The following ETFA variants were observed in gnomAD, a reference collection of about 807,000 sequenced individuals.
ETFA encodes the protein electron transfer flavoprotein subunit alpha, mitochondrial.
In ETFA, 22 loss-of-function variants were observed where a neutral mutation model predicts 46.2. The observed-to-expected ratio is 0.48, with a 90% CI of 0.34 to 0.68. The LOEUF is 0.68. Among genes scored for constraint, ETFA ranks in the 30% least tolerant of loss-of-function variants. ETFA has a pLI of 0.01. For synonymous variants in ETFA, 131 were observed against 139.9 expected, an observed-to-expected ratio of 0.94 and a Z score of 0.45; for missense variants, 345 against 401.1, an observed-to-expected ratio of 0.86 and a Z score of 1.19.
In ETFA at chr15:76,287,775, ATC is replaced by A. The variant is rs1292402234; in HGVS notation, c.451+69_451+70del. 1.4e-5 allele frequency: 16 copies of A among 1,105,620 alleles called. No homozygotes were observed. In the African/African-American group the frequency reaches 2.5e-4, roughly 17 times the overall value. 68.5% of individuals were successfully genotyped at this position (1,105,620 alleles called of 1,614,324 possible). On this transcript the variant is annotated intron_variant, in intron 5 of 11. Coordinates refer to ENST00000557943, the MANE Select transcript of ETFA (RefSeq NM_000126.4). ...ATTGTATGGTTTGATTTAAAATTCTATCTTCAAGATTAATTTATGCTTTTCAC... is the reference window on the plus strand; with the variant it reads ...ATTGTATGGTTTGATTTAAAATTCTATTCAAGATTAATTTATGCTTTTCAC...
At chr15:76,258,980 T>C (rs2141491199) in intron 9 of ETFA, 7 of 1,596,504 alleles carry the variant, frequency 4.4e-6, no homozygotes, top group African/African-American at 4.0e-5. Context: ...GCCCTCTGCC[T>C]GTGAGCTAAC....
chr15:76,277,627 C>G (rs1350997877), intron 8 of ETFA, among the ~76,000 whole-genome samples: 4 of 152,190 alleles, frequency 2.6e-5, no homozygotes, highest in African/African-American at 9.7e-5. Context: ...CTCAGCCTCC[C>G]AAGTAGCTGA....
At chr15:76,277,498 CAAAAACAAAAAAAA>C (rs1489139818) in intron 8 of ETFA, among the ~76,000 whole-genome samples, 2 of 7,826 alleles carry the variant, frequency 2.6e-4, no homozygotes, top group South Asian at 0.02. Flanking sequence ...TTGTCAAAAA[CAAAAACAAAAAAAA>C]AAAACAAAAA....
At chr15:76,218,915 CAGAG>C (rs1407433377) in intron 11 of ETFA, among the ~76,000 whole-genome samples, 4 of 152,232 alleles carry the variant, frequency 2.6e-5, no homozygotes, top group Middle Eastern at 3.4e-3. Context: ...CAAGCATAGA[CAGAG>C]AGGCCTATGA....
At chr15:76,262,284 AG>A (rs965339451) in intron 9 of ETFA, among the ~76,000 whole-genome samples, 2 of 152,042 alleles carry the variant, frequency 1.3e-5, no homozygotes, top group African/African-American at 4.8e-5. Flanking sequence ...AAGAACATCA[AG>A]ATATCTAAAA....
intron 4 of ETFA, among the ~76,000 whole-genome samples, chr15:76,290,118 T>C (rs1457480725): frequency 6.6e-6 from 1 of 152,204 alleles, no homozygotes; most frequent in African/African-American, 2.4e-5. Context: ...TCAAAATTTT[T>C]AAACTACATA....
In ETFA at chr15:76,215,704, A is replaced by T. The variant is rs537179357; in HGVS notation, c.*855T>A. On this transcript the variant is annotated 3_prime_UTR_variant, in exon 12 of 12. Transcript: ENST00000557943. ...GCTGTGCCCTGGGCAGCAGAATGAGAGTGCCAGAGGTGACTACACAGGCCT... is the reference window on the plus strand; with the variant it reads ...GCTGTGCCCTGGGCAGCAGAATGAGTGTGCCAGAGGTGACTACACAGGCCT... 11 of 152,264 alleles carry T rather than the reference A, an allele frequency of 7.2e-5. 1 individual carries two copies. The East Asian group carries it at 1.7e-3, about 24-fold the overall frequency. The allele number at this position is 152,264 out of a possible 1,614,324, so 9.4% of individuals were successfully genotyped here.
chr15:76,251,502 T>C (rs1265835012), intron 9 of ETFA, among the ~76,000 whole-genome samples: 1 of 152,190 alleles, frequency 6.6e-6, no homozygotes, highest in Non-Finnish European at 1.5e-5. Context: ...AAAATCAGAA[T>C]TCAGTTCCCA....
At chr15:76,216,934 C>G (rs1338686175) in intron 11 of ETFA, among the ~76,000 whole-genome samples, 1 of 146,296 alleles carries the variant, frequency 6.8e-6, no homozygotes, top group Non-Finnish European at 1.5e-5. Flanking sequence ...CAGCATCTAC[C>G]TCCTGGGGTC....
chr15:76,261,715 G>A (rs917990244), intron 9 of ETFA: 4 of 266,490 alleles, frequency 1.5e-5, no homozygotes, highest in Non-Finnish European at 2.8e-5. Flanking sequence ...TACCATGCCA[G>A]GCCCGGCCCA....
chr15:76,299,080 G>A (rs1372572820), intron 1 of ETFA, among the ~76,000 whole-genome samples: 3 of 152,102 alleles, frequency 2.0e-5, no homozygotes, highest in African/African-American at 4.8e-5. Context: ...AATACTTAAC[G>A]AGGTAATTGC....
rs1470142345 is a variant in ETFA at position 76,228,773 on chromosome 15, T to TTA, written c.882+2559_882+2560insTA. ...TTACTTTTTTTTTTTTTTTTTTTTT[T>TTA]AGATGGAGTCTCGTTCTGTCACCCT... is the stretch of plus-strand genomic sequence containing the variant. On this transcript the variant is annotated intron_variant, in intron 10 of 11. Transcript: ENST00000557943. 2.6e-5 allele frequency: 4 copies of TTA among 155,624 alleles called. No homozygotes were observed. In the East Asian group the frequency reaches 5.6e-4, roughly 22 times the overall value. The allele number at this position is 155,624 out of a possible 1,614,324, so 9.6% of individuals were successfully genotyped here.
intron 9 of ETFA, among the ~76,000 whole-genome samples, chr15:76,235,442 T>C (rs534008959): frequency 5.2e-4 from 79 of 152,342 alleles, no homozygotes; most frequent in African/African-American, 1.9e-3. Context: ...ACCAGTACTT[T>C]ATAATTTGTA....
At chr15:76,295,947 T>TTTTTTTTTTTTTTTTTTTTTG (rs1437793220) in intron 1 of ETFA, among the ~76,000 whole-genome samples, 1 of 86,906 alleles carries the variant, frequency 1.2e-5, no homozygotes, top group Non-Finnish European at 2.5e-5. Flanking sequence ...TTTTTTTTTT[T>TTTTTTTTTTTTTTTTTTTTTG]TTTTTTTTTT....
chr15:76,282,597 T>C (rs1290828194), intron 8 of ETFA, among the ~76,000 whole-genome samples: 1 of 152,212 alleles, frequency 6.6e-6, no homozygotes, highest in Non-Finnish European at 1.5e-5. Context: ...CATCTGATTA[T>C]ACAGTGTCAA....
chr15:76,265,264 G>A (rs370825566), intron 9 of ETFA, among the ~76,000 whole-genome samples: 1 of 152,188 alleles, frequency 6.6e-6, no homozygotes, highest in African/African-American at 2.4e-5. Flanking sequence ...AATTGACTCT[G>A]ATCATACCAG....
At chr15:76,251,098 G>A (rs867694077) in intron 9 of ETFA, among the ~76,000 whole-genome samples, 1 of 152,138 alleles carries the variant, frequency 6.6e-6, no homozygotes, top group Non-Finnish European at 1.5e-5. Flanking sequence ...CAAGAGAGGT[G>A]AAAGGGGCAG....
intron 11 of ETFA, among the ~76,000 whole-genome samples, chr15:76,223,462 AT>A (rs1400473643): frequency 3.3e-5 from 5 of 152,004 alleles, no homozygotes; most frequent in African/African-American, 9.7e-5. Context: ...AGCTCGGGTG[AT>A]CCACCCGCCT....
intron 9 of ETFA, among the ~76,000 whole-genome samples, chr15:76,263,079 G>C (rs1050037998): frequency 6.6e-6 from 1 of 152,086 alleles, no homozygotes; most frequent in African/African-American, 2.4e-5. Flanking sequence ...CAAAGAAAAT[G>C]CTACACCATC....
Sources: allele counts gnomAD v4.1 joint callset (sites outside exome capture counted in the v4.1 genomes callset), GRCh38; gene constraint gnomAD v4.1.1; transcripts MANE v1.5; gene names NCBI Gene and HGNC (gene_info 2026-07-23, HGNC 2026-07-21).